STARD13: variants seen among roughly 807,000 people sequenced by gnomAD.
The protein encoded by STARD13 is StAR related lipid transfer domain containing 13.
STARD13 carries 62 observed loss-of-function variants against 106.4 expected under a neutral mutation model. That is an observed-to-expected ratio of 0.58 (90% CI 0.48 to 0.72). The LOEUF is 0.72. Ranked by LOEUF, STARD13 falls within the 30% of genes least tolerant of loss-of-function variation. The pLI is 0.00. For synonymous variants in STARD13, 565 were observed against 553.0 expected (o/e 1.02, Z -0.31); for missense variants, 1,387 against 1,424.0 (o/e 0.97, Z 0.42).
At chr13:33,212,918 A>C (rs1887809496) in intron 1 of STARD13, among the ~76,000 whole-genome samples, 1 of 152,226 alleles carries the variant, frequency 6.6e-6, no homozygotes, top group Non-Finnish European at 1.5e-5. Context: ...TTAAAAAGGA[A>C]AGTTTTGTCA....
intron 1 of STARD13, chr13:33,206,062 T>C (rs572783894): frequency 1.0e-6 from 1 of 972,564 alleles, no homozygotes; most frequent in Non-Finnish European, 1.2e-6. Context: ...AGGTTGGTTT[T>C]GGCCCCGCCT....
At chr13:33,487,387 AG>A in the STARD13 span, among the ~76,000 whole-genome samples, 1 of 152,204 alleles carries the variant, frequency 6.6e-6, no homozygotes, top group Non-Finnish European at 1.5e-5. Flanking sequence ...GACACGGAAA[AG>A]AATCCAAAAG....
At chr13:33,328,432 C>T (rs535033221) in intron 1 of STARD13, among the ~76,000 whole-genome samples, 4 of 152,254 alleles carry the variant, frequency 2.6e-5, no homozygotes, top group African/African-American at 7.2e-5. Context: ...ATGCACGAGA[C>T]GTGCTTAGCA....
chr13:33,249,946 T>C (rs1342605065), intron 1 of STARD13, among the ~76,000 whole-genome samples: 1 of 152,068 alleles, frequency 6.6e-6, no homozygotes, highest in African/African-American at 2.4e-5. Context: ...TTTGCCACCA[T>C]GCTTGCCTAA....
At chr13:33,590,570 A>G in the STARD13 span, among the ~76,000 whole-genome samples, 337 of 151,876 alleles carry the variant, frequency 2.2e-3, no homozygotes, top group African/African-American at 7.9e-3. Context: ...GAAGCTGGAA[A>G]CCATCATTCT....
At position 33,202,666 on chromosome 13, in the gene STARD13, G is replaced by A. The variant is rs1179210396; in HGVS notation, c.170-35044C>T. On this transcript the variant is annotated intron_variant, in intron 1 of 13. Transcript: ENST00000336934. ...AGCTCTGTGAAAGAATGGTGGTGGA[G>A]AAGGTTTCAAAGGCAAGTGATGCTT... is the stretch of plus-strand genomic sequence containing the variant. Among the ~76,000 whole-genome samples, 4 of 152,234 alleles carry A rather than the reference G, an allele frequency of 2.6e-5. No homozygotes were observed. In the East Asian group the frequency reaches 7.7e-4, roughly 29 times the overall value.
intron 1 of STARD13, among the ~76,000 whole-genome samples, chr13:33,256,146 G>A (rs897271746): frequency 3.9e-5 from 6 of 152,176 alleles, no homozygotes; most frequent in Admixed American, 1.3e-4. Context: ...GCTTCGTGGC[G>A]TCCCAAATTC....
the STARD13 span, among the ~76,000 whole-genome samples, chr13:33,584,593 T>G: frequency 2.6e-5 from 4 of 152,172 alleles, no homozygotes; most frequent in African/African-American, 7.2e-5. Flanking sequence ...TGGTTTTGAT[T>G]TGCATTTCCC....
chr13:33,405,293 C>A, the STARD13 span, among the ~76,000 whole-genome samples: 1 of 152,244 alleles, frequency 6.6e-6, no homozygotes, highest in Non-Finnish European at 1.5e-5. Flanking sequence ...TTCCTCCACA[C>A]TTCGCGTGCC....
chr13:33,231,542 G>C (rs1311369908), intron 1 of STARD13, among the ~76,000 whole-genome samples: 2 of 152,192 alleles, frequency 1.3e-5, no homozygotes, highest in African/African-American at 4.8e-5. Context: ...ATTTGGGGGA[G>C]TTGTGGTTTG....
At chr13:33,324,589 A>G (rs1376836740) in intron 1 of STARD13, among the ~76,000 whole-genome samples, 1 of 152,194 alleles carries the variant, frequency 6.6e-6, no homozygotes, top group Non-Finnish European at 1.5e-5. Flanking sequence ...GAAAATACTC[A>G]TGTAAATTAT....
chr13:33,120,704 G>A (rs1295968139), intron 7 of STARD13, among the ~76,000 whole-genome samples: 2 of 152,082 alleles, frequency 1.3e-5, no homozygotes, highest in East Asian at 3.8e-4. Context: ...AGGGAAAGAT[G>A]GAAAGAACCT....
chr13:33,122,009 C>A (rs1876403333), intron 7 of STARD13, among the ~76,000 whole-genome samples: 1 of 152,198 alleles, frequency 6.6e-6, no homozygotes, highest in Non-Finnish European at 1.5e-5. Flanking sequence ...CCATGCCCAG[C>A]TAACTTTTGT....
chr13:33,206,977 G>A (rs1297484994), intron 1 of STARD13, among the ~76,000 whole-genome samples: 1 of 152,206 alleles, frequency 6.6e-6, no homozygotes, highest in East Asian at 1.9e-4. Flanking sequence ...AGACCTCACA[G>A]ATGACAGCAG....
At position 33,261,182 on chromosome 13, in the gene STARD13, C is replaced by G. The variant is rs555786235; in HGVS notation, c.169+24288G>C. On this transcript the variant is annotated intron_variant, in intron 1 of 13. Coordinates refer to ENST00000336934, the MANE Select transcript of STARD13 (RefSeq NM_178006.4). ...TTCTCATCTGCAGGGATTTTTGCTCCCCTGAGAACACAGGGCAATGTCTGG... is the reference window on the plus strand; with the variant it reads ...TTCTCATCTGCAGGGATTTTTGCTCGCCTGAGAACACAGGGCAATGTCTGG... Among the ~76,000 whole-genome samples the G allele has an allele frequency of 1.8e-4, 28 of 152,214 alleles. No homozygotes were observed. The South Asian group carries it at 2.5e-3, about 14-fold the overall frequency.
At chr13:33,261,678 T>C (rs1247717311) in intron 1 of STARD13, among the ~76,000 whole-genome samples, 1 of 152,222 alleles carries the variant, frequency 6.6e-6, no homozygotes, top group Non-Finnish European at 1.5e-5. Context: ...GGCATTATTT[T>C]TTATTGTGGG....
the STARD13 span, among the ~76,000 whole-genome samples, chr13:33,590,743 T>C: frequency 6.7e-6 from 1 of 149,000 alleles, no homozygotes; most frequent in Admixed American, 6.7e-5. Context: ...CATTAGGAGA[T>C]ATACCTAATG....
the STARD13 span, among the ~76,000 whole-genome samples, chr13:33,599,444 G>A: frequency 6.6e-6 from 1 of 152,194 alleles, no homozygotes; most frequent in South Asian, 2.1e-4. Flanking sequence ...AGTTTCATCA[G>A]TTACTTAATA....
chr13:33,231,560 C>T (rs528285850), intron 1 of STARD13, among the ~76,000 whole-genome samples: 27 of 152,198 alleles, frequency 1.8e-4, no homozygotes, highest in Middle Eastern at 6.8e-3. Flanking sequence ...TTGGGCCATG[C>T]GCATCATCTT....
Sources: allele counts gnomAD v4.1 joint callset (sites outside exome capture counted in the v4.1 genomes callset), GRCh38; gene constraint gnomAD v4.1.1; transcripts MANE v1.5; gene names NCBI Gene and HGNC (gene_info 2026-07-23, HGNC 2026-07-21).